Variants in SOX6 observed in about 807,000 individuals in gnomAD.
The protein encoded by SOX6 is transcription factor SOX-6.
In SOX6, 11 loss-of-function variants were observed where a neutral mutation model predicts 97.8. That is an observed-to-expected ratio of 0.11 (90% CI 0.07 to 0.19). SOX6 has a LOEUF of 0.19. Among genes scored for constraint, SOX6 ranks in the 10% least tolerant of loss-of-function variants. SOX6 has a pLI of 1.00. For missense variants in SOX6, 810 were observed against 1,039.5 expected, an observed-to-expected ratio of 0.78 and a Z score of 3.04; for synonymous variants, 360 against 371.4, an observed-to-expected ratio of 0.97 and a Z score of 0.35.
chr11:16,615,756 C>T (rs184292830), intron 3 of SOX6, among the ~76,000 whole-genome samples: 18 of 152,220 alleles, frequency 1.2e-4, no homozygotes, highest in Non-Finnish European at 2.1e-4. Context: ...TTAAGGTAAT[C>T]GTTGCTTTAT....
intron 4 of SOX6, among the ~76,000 whole-genome samples, chr11:16,489,893 C>T (rs1860483642): frequency 6.6e-6 from 1 of 152,064 alleles, no homozygotes. Context: ...CTGACATTTG[C>T]TAGATATGTA....
intron 13 of SOX6, among the ~76,000 whole-genome samples, chr11:16,008,623 A>G (rs1037332249): frequency 2.6e-5 from 4 of 152,096 alleles, no homozygotes; most frequent in African/African-American, 9.7e-5. Context: ...CATCAGGACT[A>G]TACATCACTT....
chr11:16,298,024 T>G (rs1039737710), intron 3 of SOX6, among the ~76,000 whole-genome samples: 1 of 152,088 alleles, frequency 6.6e-6, no homozygotes, highest in African/African-American at 2.4e-5. Context: ...GAAAAACACA[T>G]AAAAGCATGA....
chr11:16,619,180 A>C (rs1043101484), intron 3 of SOX6, among the ~76,000 whole-genome samples: 1 of 152,000 alleles, frequency 6.6e-6, no homozygotes, highest in African/African-American at 2.4e-5. Flanking sequence ...GATTATATCT[A>C]AGATAATGTC....
chr11:16,610,880 C>G lies in SOX6; in HGVS notation n.609+1201G>C, dbSNP rs574257708. On this transcript the variant is annotated intron_variant and non_coding_transcript_variant, in intron 4 of 5. Transcript: ENST00000524520. This position sits in a 1 kb window ranked among gnomAD's most constrained non-coding sequence, Gnocchi z 4.4. ...ACCGGCCTGCGGGCTCGGAGAAGTT[C>G]CCGGAGGAGCAGAGGGCACCCAGGC... 5.9e-5 allele frequency among the ~76,000 whole-genome samples: 9 copies of G among 152,320 alleles called. No homozygotes were observed. Among genetic ancestry groups the G allele is most frequent in the African/African-American group, 2.2e-4 (9 of 41,572 alleles).
At chr11:16,085,931 T>C (rs1182861775) in intron 9 of SOX6, among the ~76,000 whole-genome samples, 1 of 152,184 alleles carries the variant, frequency 6.6e-6, no homozygotes, top group Non-Finnish European at 1.5e-5. Context: ...GTTTTCAGTG[T>C]GATAAAGGGA....
intron 3 of SOX6, among the ~76,000 whole-genome samples, chr11:16,243,599 T>G (rs1853255512): frequency 6.6e-6 from 1 of 151,922 alleles, no homozygotes; most frequent in South Asian, 2.1e-4. Context: ...TATATACTCA[T>G]GTAGCTCCAC....
At chr11:16,143,381 C>G (rs2134043229) in intron 6 of SOX6, among the ~76,000 whole-genome samples, 1 of 152,300 alleles carries the variant, frequency 6.6e-6, no homozygotes, top group African/African-American at 2.4e-5. Flanking sequence ...CAACTGGTAC[C>G]AGCCACTGCA....
intron 1 of SOX6, among the ~76,000 whole-genome samples, chr11:16,415,356 A>G (rs1040603646): frequency 6.6e-6 from 1 of 152,052 alleles, no homozygotes; most frequent in Non-Finnish European, 1.5e-5. Context: ...TCATAGCAGT[A>G]GAGTAGAATA....
chr11:16,266,586 T>C (rs546923151), intron 3 of SOX6, among the ~76,000 whole-genome samples: 10 of 151,690 alleles, frequency 6.6e-5, no homozygotes, highest in African/African-American at 1.9e-4. Flanking sequence ...AAAAAGAATA[T>C]CAATGTATTT....
At chr11:16,583,640 C>CATATGTATAT (rs1342015213) in intron 4 of SOX6, among the ~76,000 whole-genome samples, 2 of 92,794 alleles carry the variant, frequency 2.2e-5, no homozygotes, top group Non-Finnish European at 5.0e-5. Context: ...TATATATACA[C>CATATGTATAT]ATACACACAC....
chr11:16,341,657 G>A (rs992656069), intron 1 of SOX6, among the ~76,000 whole-genome samples: 7 of 152,184 alleles, frequency 4.6e-5, no homozygotes, highest in African/African-American at 1.7e-4. Flanking sequence ...CAGTTTGCAA[G>A]ATGATTTGAA....
chr11:16,228,464 T>G (rs891422015), intron 4 of SOX6, among the ~76,000 whole-genome samples: 1 of 152,066 alleles, frequency 6.6e-6, no homozygotes, highest in African/African-American at 2.4e-5. Context: ...TAAGGAGAGA[T>G]TTTCTATTTA....
At chr11:16,289,730 A>T (rs1199605450) in intron 3 of SOX6, among the ~76,000 whole-genome samples, 1 of 152,016 alleles carries the variant, frequency 6.6e-6, no homozygotes, top group Non-Finnish European at 1.5e-5. Flanking sequence ...CTGACAAACC[A>T]GTCCAGGATT....
At chr11:16,164,611 C>G (rs1263676287) in intron 6 of SOX6, among the ~76,000 whole-genome samples, 1 of 151,970 alleles carries the variant, frequency 6.6e-6, no homozygotes, top group Non-Finnish European at 1.5e-5. Context: ...ATCACGAGGT[C>G]AGGGGTTGAG....
rs752535792 is a variant in SOX6, at chr11:16,046,620, A to T, written c.1517T>A (p.Met506Lys). ...VMKAIQEARK[M>K]REQIQREQQQ... The stretch of plus-strand genomic sequence containing the variant: ...TTGCTCCCGCTGGATCTGCTCTCGC[A>T]TCTTCCGCGCCTCCTGAATGGCTTT... Residue 506 changes from methionine to lysine, a missense_variant, in exon 12 of 16, where the codon ATG becomes AAG. By Grantham distance (95) the Met-to-Lys change is moderately conservative. Around this residue, in one of 9 missense-constraint regions of SOX6, gnomAD observed 120 missense variants for 127.0 expected, o/e 0.94. Transcript: ENST00000683767. 6.2e-7 allele frequency: 1 copy of T among 1,613,782 alleles called. No individual in the cohort carries two copies. Among genetic ancestry groups the T allele is most frequent in the Non-Finnish European group, 8.5e-7 (1 of 1,179,814 alleles).
rs557969281 is a variant in SOX6, at chr11:16,537,453, C to G, written n.610-61065G>C. Reference sequence around the variant, plus strand: ...TTGCAGCTTCTTGTCAGCACTGGAACAAAACTGGATGGAGAATGAGTTTGA... The same window carrying G: ...TTGCAGCTTCTTGTCAGCACTGGAAGAAAACTGGATGGAGAATGAGTTTGA... On this transcript the variant is annotated intron_variant and non_coding_transcript_variant, in intron 4 of 5. Transcript: ENST00000524520. 2.0e-5 allele frequency among the ~76,000 whole-genome samples: 3 copies of G among 152,208 alleles called. No homozygotes were observed. The East Asian group carries it at 5.8e-4, about 29-fold the overall frequency.
At chr11:16,701,257 T>C (rs1848090847) in intron 3 of SOX6, among the ~76,000 whole-genome samples, 1 of 152,182 alleles carries the variant, frequency 6.6e-6, no homozygotes, top group African/African-American at 2.4e-5. Flanking sequence ...GCTTTGCCAC[T>C]TAGTATTGGT....
At chr11:16,587,147 C>G (rs901419222) in intron 4 of SOX6, among the ~76,000 whole-genome samples, 3 of 152,084 alleles carry the variant, frequency 2.0e-5, no homozygotes, top group Non-Finnish European at 4.4e-5. Flanking sequence ...TGTAGATTAC[C>G]TGGGGAAAAT....
Sources: gnomAD v4.1 joint callset for allele counts (sites outside exome capture counted in the v4.1 genomes callset) on GRCh38, gnomAD v4.1.1 for gene constraint, gnomAD v4.1.1 regional missense constraint, Gnocchi (gnomAD v3.1) non-coding constraint, MANE v1.5 for transcripts, NCBI Gene and HGNC (gene_info 2026-07-23, HGNC 2026-07-21) for gene names.